UPF2: variants seen among roughly 807,000 people sequenced by gnomAD.
UPF2 encodes the protein regulator of nonsense transcripts 2.
UPF2 carries 17 observed loss-of-function variants against 141.4 expected under a neutral mutation model. The ratio of observed to expected loss-of-function variants is 0.12; its 90% CI spans 0.08 to 0.18. The LOEUF is 0.18. UPF2 is among the 10% of genes least tolerant of loss of function. UPF2 has a pLI of 1.00. For missense variants in UPF2, 1,152 were observed against 1,515.9 expected, an observed-to-expected ratio of 0.76 and a Z score of 3.99; for synonymous variants, 540 against 498.0, an observed-to-expected ratio of 1.08 and a Z score of -1.12.
At chr10:11,942,874 G>T in intron 17 of UPF2, 111 bp from the exon 18 acceptor site, 1 of 976,640 alleles carries the variant, frequency 1.0e-6, no homozygotes, top group Non-Finnish European at 1.5e-6. Flanking sequence ...GGAGTAAAGT[G>T]AGTAAAATAT....
rs1048704821 is a variant in UPF2, at chr10:11,992,597, T to C, written c.1844+5075A>G. ...CATGCGTGCACACTAAATTAAAAAA[T>C]ATAAAAGACCACATAATGAAAGACT... On this transcript the variant is annotated intron_variant, in intron 8 of 21. Coordinates refer to ENST00000357604, the MANE Select transcript of UPF2 (RefSeq NM_015542.4). The surrounding 1 kb of genome is among the most constrained non-coding windows in gnomAD (Gnocchi z 4.1). 6.6e-6 allele frequency among the ~76,000 whole-genome samples: 1 copy of C among 151,906 alleles called. No homozygotes were observed. Among genetic ancestry groups the C allele is most frequent in the African/African-American group, 2.4e-5 (1 of 41,394 alleles).
At chr10:12,040,946 A>AT (rs1834725386) in intron 1 of UPF2, among the ~76,000 whole-genome samples, 1 of 152,140 alleles carries the variant, frequency 6.6e-6, no homozygotes, top group Admixed American at 6.6e-5. Flanking sequence ...TCTATCCTCA[A>AT]TTTTTACATT....
At chr10:11,938,842 GTTTTTTTTTTGTTTTTTTTT>G (rs1355886733) in intron 18 of UPF2, among the ~76,000 whole-genome samples, 18 of 45,870 alleles carry the variant, frequency 3.9e-4, no homozygotes, top group African/African-American at 9.1e-4. Flanking sequence ...TCTTAAGCAA[GTTTTTTTTTTGTTTTTTTTT>G]TTTTTTTTTT....
At chr10:11,961,304 C>T (rs937520082) in intron 11 of UPF2, among the ~76,000 whole-genome samples, 2 of 151,714 alleles carry the variant, frequency 1.3e-5, no homozygotes, top group African/African-American at 4.8e-5. Flanking sequence ...TACTGAGATC[C>T]GAAACAACAG....
intron 21 of UPF2, among the ~76,000 whole-genome samples, chr10:11,926,726 A>G (rs1832717799): frequency 6.6e-6 from 1 of 152,116 alleles, no homozygotes; most frequent in Admixed American, 6.5e-5. Context: ...CTTTTCTAGC[A>G]TAGCCACTGG....
At chr10:11,985,622 A>C (rs904401045) in intron 8 of UPF2, among the ~76,000 whole-genome samples, 9 of 140,528 alleles carry the variant, frequency 6.4e-5, no homozygotes, top group African/African-American at 2.3e-4. Flanking sequence ...GTCCGTCTCC[A>C]AAAAAAAAAA....
chr10:12,016,011 A>G lies in UPF2; in HGVS notation c.1146-1827T>C, dbSNP rs73573575. 2.3e-3 allele frequency among the ~76,000 whole-genome samples: 347 copies of G among 152,292 alleles called. No individual in the cohort carries two copies. Among genetic ancestry groups the G allele is most frequent in the African/African-American group, 8.0e-3 (331 of 41,574 alleles). On this transcript the variant is annotated intron_variant, in intron 3 of 21. Coordinates refer to ENST00000357604, the MANE Select transcript of UPF2 (RefSeq NM_015542.4). This position sits in a 1 kb window ranked among gnomAD's most constrained non-coding sequence, Gnocchi z 4.1. The stretch of plus-strand genomic sequence containing the variant: ...AGAGCATGTTTCCCCCTCTTCAAAC[A>G]TGTGTTTCAGACTACTGTTACAAAC...
In UPF2 at chr10:11,953,059, A is replaced by G. The variant is rs1012673887; in HGVS notation, c.2851-810T>C. 2.0e-5 allele frequency among the ~76,000 whole-genome samples: 3 copies of G among 152,226 alleles called. No individual in the cohort carries two copies. Among genetic ancestry groups the G allele is most frequent in the East Asian group, 1.9e-4 (1 of 5,204 alleles). On this transcript the variant is annotated intron_variant, in intron 14 of 21. Transcript: ENST00000357604. The surrounding 1 kb of genome is among the most constrained non-coding windows in gnomAD (Gnocchi z 5.0). ...CATTTATTGAATATCTACTGTGTAT[A>G]TGGCATGGTGTGGATATTTTCCCTC...
At chr10:11,937,318 T>C (rs1019381019) in intron 18 of UPF2, among the ~76,000 whole-genome samples, 2 of 152,190 alleles carry the variant, frequency 1.3e-5, no homozygotes, top group African/African-American at 4.8e-5. Flanking sequence ...ATGTTAAAAA[T>C]ACTTAGCCTC....
In UPF2 at chr10:12,004,276, T is replaced by C. The variant is rs117493012; in HGVS notation, c.1504+254A>G. On this transcript the variant is annotated intron_variant, in intron 5 of 21. Transcript: ENST00000357604. ...TTACCAAGACCTCACTTGAATTCAC[T>C]ACAAGACATTATAAACAAACACTTT... Among the ~76,000 whole-genome samples, 7,962 of 152,276 alleles carry C rather than the reference T, an allele frequency of 0.052. 284 individuals are homozygous for C. The highest frequency in any genetic ancestry group is 0.08 in the Non-Finnish European group (5,445 of 68,030).
intron 12 of UPF2, among the ~76,000 whole-genome samples, chr10:11,958,429 C>T (rs1019377881): frequency 9.9e-5 from 15 of 152,180 alleles, no homozygotes; most frequent in Admixed American, 2.0e-4. Flanking sequence ...TATGAGAACT[C>T]GTTTAGCCAT....
At chr10:11,991,072 A>G (rs1833772156) in intron 8 of UPF2, among the ~76,000 whole-genome samples, 1 of 152,160 alleles carries the variant, frequency 6.6e-6, no homozygotes, top group Non-Finnish European at 1.5e-5. Context: ...GAGGGTAAGT[A>G]CAGCATCAGT....
intron 15 of UPF2, among the ~76,000 whole-genome samples, chr10:11,951,738 T>C (rs973875863): frequency 1.3e-5 from 2 of 152,204 alleles, no homozygotes; most frequent in African/African-American, 4.8e-5. Context: ...AAATAAGAAA[T>C]GCTTTAATAA....
intron 8 of UPF2, among the ~76,000 whole-genome samples, chr10:11,995,909 G>A (rs1457650406): frequency 6.6e-6 from 1 of 152,014 alleles, no homozygotes; most frequent in Non-Finnish European, 1.5e-5. Context: ...CCCTTAACTA[G>A]TCCATTCTTC....
At chr10:11,951,166 G>A (rs918177687) in intron 15 of UPF2, among the ~76,000 whole-genome samples, 6 of 152,194 alleles carry the variant, frequency 3.9e-5, no homozygotes, top group Non-Finnish European at 7.4e-5. Context: ...GGGTTCAAGC[G>A]ATTCTCCTGC....
At chr10:12,039,467 TAAC>T (rs1220774821) in intron 1 of UPF2, among the ~76,000 whole-genome samples, 6 of 152,162 alleles carry the variant, frequency 3.9e-5, no homozygotes, top group African/African-American at 1.4e-4. Flanking sequence ...TCTAAGGTAA[TAAC>T]ATGATCTTAT....
chr10:11,934,079 G>A lies in UPF2; in HGVS notation c.3547-2297C>T, dbSNP rs12766684. 7.6e-4 allele frequency among the ~76,000 whole-genome samples: 116 copies of A among 152,236 alleles called. No homozygotes were observed. The South Asian group carries it at 0.012, about 16-fold the overall frequency. ...TTAGAAACTGTGTGCCAAGAAAGCC[G>A]GTGATGGGGGGAATGGAGGAGGAAG... On this transcript the variant is annotated intron_variant, in intron 19 of 21. Transcript: ENST00000357604.
At position 11,936,859 on chromosome 10, in the gene UPF2, T is replaced by A; in HGVS notation, c.3379-147A>T. The A allele has an allele frequency of 1.3e-6, 1 of 748,906 alleles. No homozygotes were observed. The highest frequency in any genetic ancestry group is 2.0e-6 in the Non-Finnish European group (1 of 499,812). 46.4% of individuals were successfully genotyped at this position (748,906 alleles called of 1,614,324 possible). A position where few individuals can be genotyped will look rare whatever the true frequency, so the allele number is the denominator to read the frequency against. On this transcript the variant is annotated intron_variant, in intron 18 of 21. Coordinates refer to ENST00000357604, the MANE Select transcript of UPF2 (RefSeq NM_015542.4). This position sits in a 1 kb window ranked among gnomAD's most constrained non-coding sequence, Gnocchi z 6.6. ...CAGTCAACAATTACAACCACCATAA[T>A]ACTCTTTCTGAAACGTGGATAAATC...
In UPF2 at chr10:11,930,673, G is replaced by T. The variant is rs572133844; in HGVS notation, c.3689-688C>A. On this transcript the variant is annotated intron_variant, in intron 20 of 21. Transcript: ENST00000357604. ...TGTCTGTAATCTTAGCTACTTGGGG[G>T]CTGAGGCAGAGGCAGAAGGATCACT... is the stretch of plus-strand genomic sequence containing the variant. Among the ~76,000 whole-genome samples the T allele has an allele frequency of 3.3e-5, 5 of 152,236 alleles. No homozygotes were observed. The East Asian group carries it at 9.7e-4, about 29-fold the overall frequency.
Sources: allele counts gnomAD v4.1 joint callset (sites outside exome capture counted in the v4.1 genomes callset), GRCh38; gene constraint gnomAD v4.1.1; non-coding constraint Gnocchi (gnomAD v3.1); transcripts MANE v1.5; gene names NCBI Gene and HGNC (gene_info 2026-07-23, HGNC 2026-07-21).